TSPAN7: variants seen among roughly 807,000 people sequenced by gnomAD.
TSPAN7 encodes tetraspanin 7.
Under a neutral mutation model 17.6 loss-of-function variants are expected in TSPAN7, and 1 was observed. The observed-to-expected ratio is 0.06, with a 90% CI of 0.02 to 0.27. TSPAN7 has a LOEUF of 0.27. TSPAN7 is among the 10% of genes least tolerant of loss of function. The probability of loss-of-function intolerance (pLI) is 1.00; values close to 1 mark genes in which losing one functional copy is unlikely to be tolerated. For missense variants in TSPAN7, 112 were observed against 201.7 expected (o/e 0.56, Z 2.69); for synonymous variants, 78 against 79.0 (o/e 0.99, Z 0.07).
At chrX:38,573,355 C>T (rs2069179101) in intron 1 of TSPAN7, among the ~76,000 whole-genome samples, 1 of 111,337 alleles carries the variant, frequency 9.0e-6, no homozygotes. Flanking sequence ...TAAAGGTATT[C>T]CTATTTAGGA....
At chrX:38,684,493 G>A (rs189518496) in intron 6 of TSPAN7, among the ~76,000 whole-genome samples, 1 of 111,127 alleles carries the variant, frequency 9.0e-6, no homozygotes, top group African/African-American at 3.3e-5. Flanking sequence ...GTGAGAGATG[G>A]AGCATGCACG....
At chrX:38,589,822 C>T (rs1369998409) in intron 1 of TSPAN7, among the ~76,000 whole-genome samples, 2 of 111,782 alleles carry the variant, frequency 1.8e-5, no homozygotes, top group African/African-American at 6.5e-5. Flanking sequence ...ATTTATCATT[C>T]CCCCCTTAAT....
chrX:38,677,884 C>G (rs758352253), intron 5 of TSPAN7, among the ~76,000 whole-genome samples: 1 of 112,093 alleles, frequency 8.9e-6, no homozygotes, highest in African/African-American at 3.2e-5. Flanking sequence ...CTCCCAGTGA[C>G]TCCTTCCCCT....
chrX:38,611,043 G>A (rs1457645005), intron 1 of TSPAN7, among the ~76,000 whole-genome samples: 1 of 112,224 alleles, frequency 8.9e-6, no homozygotes, highest in African/African-American at 3.2e-5. Flanking sequence ...CCGCATCTCA[G>A]CCAGATGGCT....
chrX:38,672,210 A>G (rs1247976458), intron 3 of TSPAN7, among the ~76,000 whole-genome samples: 1 of 111,467 alleles, frequency 9.0e-6, no homozygotes, highest in Non-Finnish European at 1.9e-5. Context: ...GTAGATACAC[A>G]TGTGTTAAAA....
In TSPAN7 at chrX:38,675,866, C is replaced by T. The variant is rs754946009; in HGVS notation, c.597+6C>T. On this transcript the variant is annotated splice_donor_region_variant and intron_variant, in intron 5 of 7. Coordinates refer to ENST00000378482, the MANE Select transcript of TSPAN7 (RefSeq NM_004615.4). ...CCACCAAAGTTAACCAGAAGGTACC[C>T]GCTTTCTCCTGGCCCAGATGGGACC... The T allele has an allele frequency of 5.0e-6, 6 of 1,209,116 alleles. No individual in the cohort carries two copies. Among genetic ancestry groups the T allele is most frequent in the Admixed American group, 2.2e-5 (1 of 45,679 alleles).
At chrX:38,572,438 A>C (rs189799412) in intron 1 of TSPAN7, among the ~76,000 whole-genome samples, 159 of 111,816 alleles carry the variant, frequency 1.4e-3, no homozygotes, top group African/African-American at 5.1e-3. Context: ...AACAGGTTTA[A>C]AAGTTGGTGC....
At chrX:38,630,614 C>T (rs752497006) in intron 1 of TSPAN7, among the ~76,000 whole-genome samples, 1 of 112,138 alleles carries the variant, frequency 8.9e-6, no homozygotes, top group South Asian at 3.7e-4. Flanking sequence ...GTATACATCT[C>T]TACTATTCTG....
At chrX:38,660,849 T>C (rs112923832) in intron 1 of TSPAN7, among the ~76,000 whole-genome samples, 2,192 of 112,119 alleles carry the variant, frequency 0.02, 67 homozygotes, top group African/African-American at 0.068. Context: ...TTTAATTGAA[T>C]GATATAGTAA....
intron 1 of TSPAN7, among the ~76,000 whole-genome samples, chrX:38,626,129 T>C (rs1221407672): frequency 8.9e-6 from 1 of 111,782 alleles, no homozygotes; most frequent in African/African-American, 3.3e-5. Flanking sequence ...ACTAAAGAAG[T>C]GAGAGCTGGA....
intron 2 of TSPAN7, among the ~76,000 whole-genome samples, 157 bp downstream of exon 2, chrX:38,666,466 A>C (rs1458655279): frequency 9.0e-6 from 1 of 111,602 alleles, no homozygotes; most frequent in Non-Finnish European, 1.9e-5. Context: ...CCCTAGAGGT[A>C]AAAACAACCC....
At chrX:38,631,179 G>T (rs1244323720) in intron 1 of TSPAN7, among the ~76,000 whole-genome samples, 1 of 109,560 alleles carries the variant, frequency 9.1e-6, no homozygotes. Context: ...TTATAGTGGT[G>T]GTCTCGGTGC....
chrX:38,660,561 C>T (rs922843880), intron 1 of TSPAN7, among the ~76,000 whole-genome samples: 1 of 112,219 alleles, frequency 8.9e-6, no homozygotes, highest in Middle Eastern at 4.2e-3. Context: ...TTCAGTGTCA[C>T]GCATTTTCTT....
At chrX:38,685,866 G>A (rs2069924099) in intron 6 of TSPAN7, among the ~76,000 whole-genome samples, 2 of 111,602 alleles carry the variant, frequency 1.8e-5, no homozygotes, top group African/African-American at 6.5e-5. Context: ...CTATCCTTGG[G>A]AAGTCCTGGA....
At chrX:38,605,200 A>G (rs1244893756) in intron 1 of TSPAN7, among the ~76,000 whole-genome samples, 3 of 110,805 alleles carry the variant, frequency 2.7e-5, no homozygotes. Flanking sequence ...CTGATAAGCA[A>G]CTTCAGCAAA....
At chrX:38,643,672 C>CAAAA (rs34238064) in intron 1 of TSPAN7, among the ~76,000 whole-genome samples, 3 of 56,045 alleles carry the variant, frequency 5.4e-5, no homozygotes, top group African/African-American at 7.1e-5. Context: ...CCGTCTCTAC[C>CAAAA]AAAAAAAAAA....
At chrX:38,664,085 G>T (rs112994808) in intron 1 of TSPAN7, among the ~76,000 whole-genome samples, 3,690 of 112,097 alleles carry the variant, frequency 0.033, 141 homozygotes, top group African/African-American at 0.11. Flanking sequence ...AGCTTAGGCT[G>T]ATAATGCTAC....
At chrX:38,581,543 A>G (rs187860221) in intron 1 of TSPAN7, among the ~76,000 whole-genome samples, 42 of 111,644 alleles carry the variant, frequency 3.8e-4, no homozygotes, top group Middle Eastern at 4.6e-3. Flanking sequence ...TCCCACGACA[A>G]GTGGGAATTA....
At chrX:38,677,082 A>G (rs1183606390) in intron 5 of TSPAN7, among the ~76,000 whole-genome samples, 4 of 110,982 alleles carry the variant, frequency 3.6e-5, no homozygotes, top group African/African-American at 9.9e-5. Flanking sequence ...TTTTCCCCCC[A>G]CTCAAGCTTC....
Sources: allele counts gnomAD v4.1 joint callset (sites outside exome capture counted in the v4.1 genomes callset), GRCh38; gene constraint gnomAD v4.1.1; transcripts MANE v1.5; gene names NCBI Gene and HGNC (gene_info 2026-07-23, HGNC 2026-07-21).